ZNF747: variants seen among roughly 807,000 people sequenced by gnomAD.
ZNF747 encodes the protein zinc finger protein 747, also known as KRAB domain-containing protein ZNF747.
In ZNF747, 14 loss-of-function variants were observed where a neutral mutation model predicts 13.4. The ratio of observed to expected loss-of-function variants is 1.04; its 90% CI spans 0.69 to 1.63. ZNF747 has a LOEUF of 1.63. ZNF747 is among the 40% of genes most tolerant of loss of function. The pLI is 0.00. For synonymous variants in ZNF747, 212 were observed against 206.5 expected (o/e 1.03, Z -0.23); for missense variants, 532 against 477.9 (o/e 1.11, Z -1.05).
chr16:30,534,494 G>A lies in ZNF747; in HGVS notation c.186C>T (p.Tyr62=). Residue 62 remains tyrosine, a synonymous_variant, in exon 1 of 3, where the codon TAC becomes TAT. Transcript: ENST00000693075. ...CGTAGGTCTCCCGCATCACGTCCCGGTACAGGGCCCTCTGCGCGGGCCGCA... is the reference window on the plus strand; with the variant it reads ...CGTAGGTCTCCCGCATCACGTCCCGATACAGGGCCCTCTGCGCGGGCCGCA... ...GCLRPAQRAL[Y]RDVMRETYGH... The A allele has an allele frequency of 6.2e-7, 1 of 1,608,562 alleles. No homozygotes were observed. Among genetic ancestry groups the A allele is most frequent in the African/African-American group, 1.3e-5 (1 of 74,922 alleles).
At position 30,534,569 on chromosome 16, in the gene ZNF747, C is replaced by A; in HGVS notation, c.111G>T (p.Val37=). Residue 37 remains valine, a synonymous_variant, in exon 1 of 3, where the codon GTG becomes GTT. Coordinates refer to ENST00000693075, the MANE Select transcript of ZNF747 (RefSeq NM_001305018.2). Reference sequence around the variant, plus strand: ...AGTACACGGCCACGTCGGCGAAGCTCACGGCCCCGGGCTTTCTCCACTCGG... The same window carrying A: ...AGTACACGGCCACGTCGGCGAAGCTAACGGCCCCGGGCTTTCTCCACTCGG... ...AGSEWRKPGA[V]SFADVAVYFS... is the part of the protein sequence containing the mutation. 1 of 1,605,450 alleles carries A rather than the reference C, an allele frequency of 6.2e-7. No homozygotes were observed. The highest frequency in any genetic ancestry group is 8.5e-7 in the Non-Finnish European group (1 of 1,176,918).
In ZNF747 at chr16:30,534,253, C is replaced by T. The variant is rs1270439892; in HGVS notation, c.287G>A (p.Trp96Ter). 6.2e-7 allele frequency: 1 copy of T among 1,602,720 alleles called. No individual in the cohort carries two copies. Among genetic ancestry groups the T allele is most frequent in the Admixed American group, 1.7e-5 (1 of 59,000 alleles). ...CTCCGGATCCTGGGCAGCCGGATCC[C>T]ACAGTTCGGCCTTCTCCTCCACCCA... is the stretch of plus-strand genomic sequence containing the variant. ...ISWVEEKAEL[W>*]DPAAQDPEVA... is the part of the protein sequence containing the mutation. The change falls in exon 2 of 3, where the codon TGG becomes TAG. Residue 96 changes from tryptophan to a stop codon, truncating the protein, a stop_gained. Transcript: ENST00000693075. LOFTEE classifies it high-confidence loss of function.
Position 30,533,113 on chromosome 16 carries a change from C to T in ZNF747, c.382G>A (p.Gly128Arg), listed in dbSNP as rs770538185. 1.9e-6 allele frequency: 3 copies of T among 1,612,514 alleles called. No individual in the cohort carries two copies. The highest frequency in any genetic ancestry group is 2.7e-5 in the African/African-American group (2 of 75,016). Residue 128 changes from glycine (G) to arginine (R), a missense_variant, in exon 3 of 3, where the codon GGG becomes AGG. Gly to Arg is a moderately radical substitution (Grantham distance 125, BLOSUM62 -2). Coordinates refer to ENST00000693075, the MANE Select transcript of ZNF747 (RefSeq NM_001305018.2). ...RNKEEERQRE[G>R]TGALEKPDPV... ...TCGGGCTTCTCCAGGGCTCCCGTCC[C>T]TTCCCTTTGTCTTTCCTCTTCCTTG...
chr16:30,532,629 CG>C lies in ZNF747; in HGVS notation c.865del (p.Arg289GlyfsTer17). On this transcript the variant is annotated frameshift_variant, in exon 3 of 3. Coordinates refer to ENST00000693075, the MANE Select transcript of ZNF747 (RefSeq NM_001305018.2). LOFTEE classifies it low-confidence loss of function (END_TRUNC). ...GCCCCTACGCCCCTCGCCCCCGGGC[CG>C]ATGGACCCATTGGTGCTTGGCCATG... is the stretch of plus-strand genomic sequence containing the variant. ...TGMAKHQWVHRPGGEGRRGRR... is the reference protein window; with the variant it reads ...TGMAKHQWVHXPGGEGRRGRR... 6.5e-7 allele frequency: 1 copy of C among 1,543,758 alleles called. No individual in the cohort carries two copies. Among genetic ancestry groups the C allele is most frequent in the South Asian group, 1.2e-5 (1 of 84,466 alleles).
chr16:30,532,623 C>T lies in ZNF747; in HGVS notation c.872G>A (p.Gly291Glu). Residue 291 changes from glycine (G) to glutamate (E), a missense_variant, in exon 3 of 3, where the codon GGG (glycine) becomes GAG (glutamate). Physicochemically the swap from Gly to Glu is moderately conservative, Grantham distance 98. Transcript: ENST00000693075. Reference protein sequence around the residue: ...MAKHQWVHRPGGEGRRGRRPG... With the variant: ...MAKHQWVHRPEGEGRRGRRPG... ...GCGCCGGCCCCTACGCCCCTCGCCC[C>T]CGGGCCGATGGACCCATTGGTGCTT... 1 of 1,545,612 alleles carries T rather than the reference C, an allele frequency of 6.5e-7. No individual in the cohort carries two copies. The highest frequency in any genetic ancestry group is 8.7e-7 in the Non-Finnish European group (1 of 1,149,346).
intron 1 of ZNF747, 56 bp from the exon 2 acceptor site, chr16:30,534,366 G>A: frequency 6.4e-6 from 10 of 1,555,486 alleles, no homozygotes; most frequent in Non-Finnish European, 8.7e-6. Flanking sequence ...CCCGGCCCCG[G>A]GGCCCCCAAC....
In ZNF747 at chr16:30,534,579, G is replaced by A. The variant is rs1259388569; in HGVS notation, c.101C>T (p.Pro34Leu). 6.2e-7 allele frequency: 1 copy of A among 1,604,100 alleles called. No individual in the cohort carries two copies. The highest frequency in any genetic ancestry group is 1.1e-5 in the South Asian group (1 of 89,578). The change falls in exon 1 of 3, where the codon CCC becomes CTC. Residue 34 changes from proline to leucine, a missense_variant. Coordinates refer to ENST00000693075, the MANE Select transcript of ZNF747 (RefSeq NM_001305018.2). ...PNGAGSEWRK[P>L]GAVSFADVAV... The stretch of plus-strand genomic sequence containing the variant: ...CACGTCGGCGAAGCTCACGGCCCCG[G>A]GCTTTCTCCACTCGGATCCCGCCCC...
chr16:30,531,173 C>CA lies in ZNF747; in HGVS notation c.*1325dup, dbSNP rs1022666420. On this transcript the variant is annotated 3_prime_UTR_variant, in exon 3 of 3. Transcript: ENST00000693075. ...CTTTGCTGTACTTTAAGATAAACAC[C>CA]AAAAACACTAAAAGCAAGCCATGAT... 1 of 152,096 alleles carries CA rather than the reference C, an allele frequency of 6.6e-6. No homozygotes were observed. Among genetic ancestry groups the CA allele is most frequent in the African/African-American group, 2.4e-5 (1 of 41,400 alleles). 9.4% of individuals were successfully genotyped at this position (152,096 alleles called of 1,614,324 possible).
In ZNF747 at chr16:30,532,786, G is replaced by A; in HGVS notation, c.709C>T (p.Pro237Ser). ...KHRAIHRGER[P>S]HRCPECGRAF... The stretch of plus-strand genomic sequence containing the variant: ...CGACCACACTCGGGACAGCGGTGGG[G>A]CCGCTCCCCACGATGGATGGCCCGG... Residue 237 changes from proline to serine, a missense_variant, in exon 3 of 3, where the codon CCC (proline) becomes TCC (serine). Pro to Ser is a moderately conservative substitution (Grantham distance 74, BLOSUM62 -1). Transcript: ENST00000693075. The A allele has an allele frequency of 6.4e-7, 1 of 1,553,982 alleles. No individual in the cohort carries two copies. The highest frequency in any genetic ancestry group is 1.2e-5 in the South Asian group (1 of 85,042).
At chr16:30,533,302 A>G (rs2051407602) in intron 2 of ZNF747, 151 bp from the exon 3 acceptor site, 1 of 1,062,508 alleles carries the variant, frequency 9.4e-7, no homozygotes, top group Non-Finnish European at 1.3e-6. Flanking sequence ...AGCCAGACAG[A>G]GCCTGGAGGG....
chr16:30,534,408 C>G (rs2051425578), intron 1 of ZNF747, 43 bp downstream of exon 1: 2 of 1,559,368 alleles, frequency 1.3e-6, no homozygotes, highest in Non-Finnish European at 1.7e-6. Context: ...CGCGGCAGGG[C>G]CTGTGGAGGC....
At position 30,532,622 on chromosome 16, in the gene ZNF747, C is replaced by T. The variant is rs1247913232; in HGVS notation, c.873G>A (p.Gly291=). The T allele has an allele frequency of 1.3e-6, 2 of 1,546,160 alleles. No individual in the cohort carries two copies. Among genetic ancestry groups the T allele is most frequent in the Non-Finnish European group, 1.7e-6 (2 of 1,149,584 alleles). The change falls in exon 3 of 3, where the codon GGG becomes GGA. Residue 291 remains glycine, a synonymous_variant. Coordinates refer to ENST00000693075, the MANE Select transcript of ZNF747 (RefSeq NM_001305018.2). ...MAKHQWVHRP[G]GEGRRGRRPG... is the part of the protein sequence containing the mutation. ...GGCGCCGGCCCCTACGCCCCTCGCC[C>T]CCGGGCCGATGGACCCATTGGTGCT...
chr16:30,533,915 CAG>C (rs1046194624), intron 2 of ZNF747, among the ~76,000 whole-genome samples: 1 of 152,120 alleles, frequency 6.6e-6, no homozygotes, highest in African/African-American at 2.4e-5. Context: ...GCCTGGGCAA[CAG>C]AGACCCTGTC....
At position 30,530,586 on chromosome 16, in the gene ZNF747, G is replaced by C. The variant is rs2051361091; in HGVS notation, c.*1913C>G. On this transcript the variant is annotated 3_prime_UTR_variant, in exon 3 of 3. Coordinates refer to ENST00000693075, the MANE Select transcript of ZNF747 (RefSeq NM_001305018.2). The surrounding 1 kb of genome is among the most constrained non-coding windows in gnomAD (Gnocchi z 4.4). The stretch of plus-strand genomic sequence containing the variant: ...TCACCCCATGTGCCCCTGTGATAAA[G>C]TGACACACGAGTCAACCCGCCCCAG... The C allele has an allele frequency of 6.6e-6, 1 of 152,338 alleles. No homozygotes were observed. Among genetic ancestry groups the C allele is most frequent in the East Asian group, 1.9e-4 (1 of 5,190 alleles). The allele number at this position is 152,338 out of a possible 1,614,324, so 9.4% of individuals were successfully genotyped here. A position where few individuals can be genotyped will look rare whatever the true frequency, so the allele number is the denominator to read the frequency against.
chr16:30,534,841 G>A lies in ZNF747; in HGVS notation c.-162C>T. Reference sequence around the variant, plus strand: ...TGCGAGTCCATGGTCAGAACTGGACGATGTCTTCAAATAAAACGGCGGCAG... The same window carrying A: ...TGCGAGTCCATGGTCAGAACTGGACAATGTCTTCAAATAAAACGGCGGCAG... On this transcript the variant is annotated 5_prime_UTR_variant, in exon 1 of 3. Transcript: ENST00000693075. The A allele has an allele frequency of 1.7e-5, 19 of 1,111,386 alleles. No individual in the cohort carries two copies. Among genetic ancestry groups the A allele is most frequent in the Non-Finnish European group, 2.3e-5 (19 of 816,464 alleles). 68.8% of individuals were successfully genotyped at this position (1,111,386 alleles called of 1,614,324 possible). A position where few individuals can be genotyped will look rare whatever the true frequency, so the allele number is the denominator to read the frequency against.
intron 2 of ZNF747, 29 bp from the exon 3 acceptor site, chr16:30,533,180 C>CA (rs1567502947): frequency 6.2e-7 from 1 of 1,611,730 alleles, no homozygotes; most frequent in Non-Finnish European, 8.5e-7. Context: ...AGAGTTCAGG[C>CA]TTGGCTCATC....
chr16:30,532,859 G>A lies in ZNF747; in HGVS notation c.636C>T (p.Cys212=), dbSNP rs770831829. The change falls in exon 3 of 3, where the codon TGC becomes TGT. Residue 212 remains cysteine (C), a synonymous_variant. Coordinates refer to ENST00000693075, the MANE Select transcript of ZNF747 (RefSeq NM_001305018.2). The part of the protein sequence containing the change: ...YSHRGEKPFH[C]ADCGKGFGHA... Reference sequence around the variant, plus strand: ...GGCCGAAGCCCTTGCCGCAGTCTGCGCAGTGGAAGGGCTTCTCGCCCCTGT... The same window carrying A: ...GGCCGAAGCCCTTGCCGCAGTCTGCACAGTGGAAGGGCTTCTCGCCCCTGT... 1.9e-6 allele frequency: 3 copies of A among 1,588,132 alleles called. No homozygotes were observed. Among genetic ancestry groups the A allele is most frequent in the Non-Finnish European group, 2.6e-6 (3 of 1,170,326 alleles).
In ZNF747 at chr16:30,531,751, C is replaced by CT. The variant is rs1439984207; in HGVS notation, c.*747dup. 1 of 152,392 alleles carries CT rather than the reference C, an allele frequency of 6.6e-6. No homozygotes were observed. The highest frequency in any genetic ancestry group is 1.5e-5 in the Non-Finnish European group (1 of 68,210). The allele number at this position is 152,392 out of a possible 1,614,324, so 9.4% of individuals were successfully genotyped here. On this transcript the variant is annotated 3_prime_UTR_variant, in exon 3 of 3. Coordinates refer to ENST00000693075, the MANE Select transcript of ZNF747 (RefSeq NM_001305018.2). ...GCTGCAGTGAGCCCAGTTCACACCACTGCATTCCAGCCTGGGTGAGGAGCA... is the reference window on the plus strand; with the variant it reads ...GCTGCAGTGAGCCCAGTTCACACCACTTGCATTCCAGCCTGGGTGAGGAGCA...
chr16:30,533,243 C>T (rs2051406706), intron 2 of ZNF747, 92 bp from the exon 3 acceptor site: 1 of 1,525,032 alleles, frequency 6.6e-7, no homozygotes, highest in Admixed American at 1.8e-5. Flanking sequence ...TGCTGGACCC[C>T]CGACTGCTCC....
Sources: allele counts gnomAD v4.1 joint callset (sites outside exome capture counted in the v4.1 genomes callset), GRCh38; gene constraint gnomAD v4.1.1; non-coding constraint Gnocchi (gnomAD v3.1); transcripts MANE v1.5; gene names NCBI Gene and HGNC (gene_info 2026-07-23, HGNC 2026-07-21).